The following PIK3C2G variants were observed in gnomAD, a reference collection of about 807,000 sequenced individuals.
PIK3C2G encodes phosphatidylinositol 3-kinase C2 domain-containing subunit gamma.
A neutral mutation model predicts 181.1 loss-of-function variants in PIK3C2G; 168 were observed. The ratio of observed to expected loss-of-function variants is 0.93; its 90% CI spans 0.82 to 1.05. PIK3C2G has a LOEUF of 1.05. PIK3C2G is among the 50% of genes least tolerant of loss of function. The probability of loss-of-function intolerance (pLI) is 0.00; values close to 1 mark genes in which losing one functional copy is unlikely to be tolerated. For synonymous variants in PIK3C2G, 573 were observed against 592.2 expected, an observed-to-expected ratio of 0.97 and a Z score of 0.47; for missense variants, 1,869 against 1,732.8, an observed-to-expected ratio of 1.08 and a Z score of -1.40.
rs1224898627 is a variant in PIK3C2G, at chr12:18,341,790, G to T, written c.1396-1537G>T. On this transcript the variant is annotated intron_variant, in intron 9 of 32. Coordinates refer to ENST00000538779, the MANE Select transcript of PIK3C2G (RefSeq NM_001288772.2). Reference sequence around the variant, plus strand: ...TAAGATTGAAGAAATGACAAATACAGGTCTTCTGCCAACAAACTGTGAAAT... The same window carrying T: ...TAAGATTGAAGAAATGACAAATACATGTCTTCTGCCAACAAACTGTGAAAT... Among the ~76,000 whole-genome samples the T allele has an allele frequency of 3.3e-5, 5 of 152,074 alleles. No homozygotes were observed. The East Asian group carries it at 7.7e-4, about 23-fold the overall frequency.
chr12:18,626,220 G>A (rs1006425663), intron 31 of PIK3C2G, among the ~76,000 whole-genome samples: 6 of 151,638 alleles, frequency 4.0e-5, no homozygotes, highest in African/African-American at 1.5e-4. Flanking sequence ...TGGTTACCCT[G>A]ATGCTTACAA....
At chr12:18,576,769 T>G (rs1437783028) in intron 29 of PIK3C2G, among the ~76,000 whole-genome samples, 1 of 152,220 alleles carries the variant, frequency 6.6e-6, no homozygotes, top group African/African-American at 2.4e-5. Flanking sequence ...TTTTGCATGT[T>G]AAAGAAGCAC....
chr12:18,553,460 A>T (rs11044179), intron 26 of PIK3C2G, among the ~76,000 whole-genome samples: 1,800 of 152,172 alleles, frequency 0.012, 15 homozygotes, highest in Non-Finnish European at 0.019. Flanking sequence ...CTAAAAAGGT[A>T]AAAGAATGAT....
intron 18 of PIK3C2G, among the ~76,000 whole-genome samples, chr12:18,472,296 T>C (rs1354002600): frequency 6.6e-6 from 1 of 152,190 alleles, no homozygotes; most frequent in African/African-American, 2.4e-5. Flanking sequence ...AAAGAAAACA[T>C]CTATAAATAT....
At chr12:18,433,959 T>C (rs889804902) in intron 18 of PIK3C2G, among the ~76,000 whole-genome samples, 2 of 152,206 alleles carry the variant, frequency 1.3e-5, no homozygotes, top group East Asian at 3.9e-4. Flanking sequence ...CCCAGAATCC[T>C]TTCATCTTAT....
intron 32 of PIK3C2G, among the ~76,000 whole-genome samples, chr12:18,644,339 C>A (rs1288348753): frequency 6.6e-6 from 1 of 152,136 alleles, no homozygotes; most frequent in Non-Finnish European, 1.5e-5. Flanking sequence ...TTCCACGCCA[C>A]TACTTTTGCC....
At chr12:18,666,836 T>C in the PIK3C2G span, among the ~76,000 whole-genome samples, 1 of 152,196 alleles carries the variant, frequency 6.6e-6, no homozygotes, top group Non-Finnish European at 1.5e-5. Context: ...ACTGGTTATG[T>C]GGTATATGGA....
chr12:18,599,681 TAAAAAA>T (rs761516293), intron 30 of PIK3C2G, among the ~76,000 whole-genome samples: 61 of 99,274 alleles, frequency 6.1e-4, no homozygotes, highest in African/African-American at 2.1e-3. Flanking sequence ...TAAATATAAA[TAAAAAA>T]AAATAAAAAT....
the PIK3C2G span, among the ~76,000 whole-genome samples, chr12:18,703,820 T>C: frequency 6.6e-6 from 1 of 152,178 alleles, no homozygotes. Context: ...CTTGAATAAA[T>C]TCTTCTAACT....
chr12:18,476,912 G>A (rs543895077), intron 18 of PIK3C2G, among the ~76,000 whole-genome samples: 2 of 152,090 alleles, frequency 1.3e-5, no homozygotes, highest in South Asian at 2.1e-4. Context: ...GTATCAGTCT[G>A]CTAGGGCTTC....
At chr12:18,684,397 T>C in the PIK3C2G span, 12 of 923,224 alleles carry the variant, frequency 1.3e-5, no homozygotes, top group East Asian at 1.3e-4. Context: ...ATCTTGTGTT[T>C]AGAGCACATA....
intron 32 of PIK3C2G, among the ~76,000 whole-genome samples, chr12:18,641,429 T>C (rs1949830908): frequency 6.6e-6 from 1 of 152,136 alleles, no homozygotes. Context: ...ACAGCAGCAC[T>C]ACTGACCACA....
intron 13 of PIK3C2G, among the ~76,000 whole-genome samples, chr12:18,379,650 A>G (rs1055296280): frequency 6.6e-6 from 1 of 152,180 alleles, no homozygotes; most frequent in Non-Finnish European, 1.5e-5. Flanking sequence ...CTGATATCCA[A>G]ATGAAAGCCC....
intron 18 of PIK3C2G, among the ~76,000 whole-genome samples, chr12:18,476,159 T>G (rs1304703673): frequency 6.6e-6 from 1 of 152,208 alleles, no homozygotes; most frequent in African/African-American, 2.4e-5. Flanking sequence ...AATGCATACC[T>G]GCCCAAGCCT....
chr12:18,572,140 T>C (rs1434967695), intron 29 of PIK3C2G, among the ~76,000 whole-genome samples: 3 of 141,088 alleles, frequency 2.1e-5, no homozygotes, highest in Admixed American at 6.8e-5. Flanking sequence ...CACTTGTGTC[T>C]TATATTATTT....
chr12:18,547,401 C>G (rs577182846), intron 26 of PIK3C2G, among the ~76,000 whole-genome samples: 199 of 151,984 alleles, frequency 1.3e-3, no homozygotes, highest in African/African-American at 4.4e-3. Context: ...GTGTGCTGCC[C>G]TTGTTGTTGA....
chr12:18,580,350 A>G (rs1269243553), intron 29 of PIK3C2G, among the ~76,000 whole-genome samples: 1 of 152,220 alleles, frequency 6.6e-6, no homozygotes, highest in Non-Finnish European at 1.5e-5. Flanking sequence ...TAAGAAATTG[A>G]TATTACTTAA....
At chr12:18,310,305 T>C (rs1166648607) in intron 5 of PIK3C2G, among the ~76,000 whole-genome samples, 1 of 151,910 alleles carries the variant, frequency 6.6e-6, no homozygotes, top group Non-Finnish European at 1.5e-5. Context: ...CTTCATCCAA[T>C]AGCAAAGACT....
intron 14 of PIK3C2G, among the ~76,000 whole-genome samples, chr12:18,384,795 T>C (rs1377850268): frequency 6.6e-6 from 1 of 152,210 alleles, no homozygotes; most frequent in African/African-American, 2.4e-5. Context: ...GAGGGGCATG[T>C]AAATCATTCC....
Sources: allele counts gnomAD v4.1 joint callset (sites outside exome capture counted in the v4.1 genomes callset), GRCh38; gene constraint gnomAD v4.1.1; transcripts MANE v1.5; gene names NCBI Gene and HGNC (gene_info 2026-07-23, HGNC 2026-07-21).